WWOX: variants seen among roughly 807,000 people sequenced by gnomAD.
The protein encoded by WWOX is WW domain-containing oxidoreductase.
A neutral mutation model predicts 46.2 loss-of-function variants in WWOX; 69 were observed. The observed-to-expected ratio is 1.49, with a 90% CI of 1.23 to 1.82. The LOEUF is 1.82. Ranked by LOEUF, WWOX falls within the 40% of genes most tolerant of loss-of-function variation. The pLI, the probability that WWOX is intolerant of heterozygous loss-of-function variation, is 0.00. For missense variants in WWOX, 919 were observed against 542.6 expected (o/e 1.69, Z -6.89); for synonymous variants, 359 against 202.6 (o/e 1.77, Z -6.56).
chr16:79,212,172 A>G lies in WWOX; in HGVS notation c.*376A>G, dbSNP rs1398919768. 2 of 1,481,044 alleles carry G rather than the reference A, an allele frequency of 1.4e-6. No individual in the cohort carries two copies. The highest frequency in any genetic ancestry group is 1.8e-6 in the Non-Finnish European group (2 of 1,125,084). The allele number at this position is 1,481,044 out of a possible 1,614,324, so 91.7% of individuals were successfully genotyped here. A position where few individuals can be genotyped will look rare whatever the true frequency, so the allele number is the denominator to read the frequency against. On this transcript the variant is annotated 3_prime_UTR_variant, in exon 9 of 9. Coordinates refer to ENST00000566780, the MANE Select transcript of WWOX (RefSeq NM_016373.4). ...CCATCCAGCTACCACCACGGCCACC[A>G]CTGCAGCCGGGGGCTGGCCTTCTCC... is the stretch of plus-strand genomic sequence containing the variant.
chr16:78,843,436 GC>G (rs2052213940), intron 8 of WWOX, among the ~76,000 whole-genome samples: 2 of 149,930 alleles, frequency 1.3e-5, no homozygotes, highest in Non-Finnish European at 3.0e-5. Context: ...AGATGCGAAT[GC>G]CCAGCTCAGG....
intron 8 of WWOX, among the ~76,000 whole-genome samples, chr16:78,867,761 G>A (rs191728895): frequency 2.6e-5 from 4 of 152,098 alleles, no homozygotes; most frequent in East Asian, 1.9e-4. Context: ...TGTAAATTGT[G>A]GAACTAATTT....
chr16:78,186,238 A>C (rs370009715), intron 5 of WWOX, among the ~76,000 whole-genome samples: 4 of 143,598 alleles, frequency 2.8e-5, no homozygotes, highest in African/African-American at 1.1e-4. Flanking sequence ...GTTTCTTTTT[A>C]CCTTTTTTTT....
At chr16:79,129,843 C>G (rs2049839680) in intron 8 of WWOX, among the ~76,000 whole-genome samples, 1 of 152,136 alleles carries the variant, frequency 6.6e-6, no homozygotes, top group South Asian at 2.1e-4. Flanking sequence ...CAGCCTGGGT[C>G]AAATTGGTGC....
At chr16:79,035,249 A>G (rs543562645) in intron 8 of WWOX, among the ~76,000 whole-genome samples, 1 of 152,330 alleles carries the variant, frequency 6.6e-6, no homozygotes, top group East Asian at 1.9e-4. Flanking sequence ...CGTACCTTCC[A>G]GAATCATTGG....
At position 78,425,088 on chromosome 16, in the gene WWOX, C is replaced by A. The variant is rs180692241; in HGVS notation, c.791+33C>A. 8 of 1,610,808 alleles carry A rather than the reference C, an allele frequency of 5.0e-6. No individual in the cohort carries two copies. The African/African-American group carries it at 6.7e-5, about 13-fold the overall frequency. ...TGAATTGCATATTTGTTCACTTATC[C>A]CCTTTCTCATACCAGCTAATATTCC... On this transcript the variant is annotated intron_variant, in intron 7 of 8. Transcript: ENST00000566780.
intron 8 of WWOX, among the ~76,000 whole-genome samples, chr16:78,578,809 G>T (rs563499106): frequency 6.6e-6 from 1 of 152,148 alleles, no homozygotes; most frequent in East Asian, 1.9e-4. Context: ...TTCCAGAATT[G>T]CATCCCTGAC....
intron 8 of WWOX, among the ~76,000 whole-genome samples, chr16:79,006,297 G>A (rs945466479): frequency 2.0e-5 from 3 of 152,140 alleles, no homozygotes; most frequent in Non-Finnish European, 4.4e-5. Flanking sequence ...GTGAAGCGCG[G>A]GAAGTCCAGG....
At position 78,152,799 on chromosome 16, in the gene WWOX, A is replaced by G. The variant is rs569804642; in HGVS notation, c.410-11384A>G. On this transcript the variant is annotated intron_variant, in intron 4 of 8. Coordinates refer to ENST00000566780, the MANE Select transcript of WWOX (RefSeq NM_016373.4). ...GATTTATTGTACAGCTTTACAAAACATTACGGCCTCAGCCTTGTACTGCCC... is the reference window on the plus strand; with the variant it reads ...GATTTATTGTACAGCTTTACAAAACGTTACGGCCTCAGCCTTGTACTGCCC... Among the ~76,000 whole-genome samples the G allele has an allele frequency of 2.2e-4, 33 of 152,340 alleles. 1 individual carries two copies. The highest frequency in any genetic ancestry group is 6.7e-4 in the African/African-American group (28 of 41,578).
chr16:78,429,689 C>T (rs1036416518), intron 7 of WWOX, among the ~76,000 whole-genome samples: 1 of 152,114 alleles, frequency 6.6e-6, no homozygotes, highest in African/African-American at 2.4e-5. Context: ...TCAGTAGCAC[C>T]TTTGTGTGAC....
intron 8 of WWOX, chr16:79,004,339 A>G (rs138836346): frequency 6.6e-6 from 1 of 152,350 alleles, no homozygotes; most frequent in East Asian, 1.9e-4. Flanking sequence ...AATTCCTGGG[A>G]TAACAGAGAA....
At chr16:78,746,364 G>A (rs2049347082) in intron 8 of WWOX, among the ~76,000 whole-genome samples, 1 of 152,088 alleles carries the variant, frequency 6.6e-6, no homozygotes, top group African/African-American at 2.4e-5. Context: ...TGGGAATGAT[G>A]GTGCATGCCT....
chr16:78,435,983 C>T (rs1489874744), intron 8 of WWOX, among the ~76,000 whole-genome samples: 1 of 152,136 alleles, frequency 6.6e-6, no homozygotes, highest in Non-Finnish European at 1.5e-5. Context: ...GCTAATAGAA[C>T]TGAGGAAGTG....
intron 6 of WWOX, among the ~76,000 whole-genome samples, chr16:78,406,813 G>T (rs183212263): frequency 6.6e-6 from 1 of 151,960 alleles, no homozygotes; most frequent in African/African-American, 2.4e-5. Flanking sequence ...TTTTAGTAGA[G>T]ATGGGTTTCA....
chr16:78,178,545 A>T (rs1414654329), intron 5 of WWOX, among the ~76,000 whole-genome samples: 1 of 152,040 alleles, frequency 6.6e-6, no homozygotes, highest in Non-Finnish European at 1.5e-5. Context: ...ATCCTTTCAT[A>T]CCCGGAATTC....
At chr16:78,109,703 C>A (rs1340860720) in intron 2 of WWOX, 75 bp from the exon 3 acceptor site, 14 of 1,519,158 alleles carry the variant, frequency 9.2e-6, no homozygotes, top group Non-Finnish European at 1.3e-5. Flanking sequence ...GCTGGGAGGG[C>A]TCCTTCCCTT....
rs1437890236 is a variant in WWOX at position 78,339,627 on chromosome 16, T to G, written c.517-47233T>G. Among the ~76,000 whole-genome samples the G allele has an allele frequency of 1.7e-5, 2 of 120,296 alleles. 1 individual carries two copies. The highest frequency in any genetic ancestry group is 4.0e-5 in the Non-Finnish European group (2 of 50,564). 78.9% of individuals were successfully genotyped at this position (120,296 alleles called of 152,430 possible). A position where few individuals can be genotyped will look rare whatever the true frequency, so the allele number is the denominator to read the frequency against. On this transcript the variant is annotated intron_variant, in intron 5 of 8. Coordinates refer to ENST00000566780, the MANE Select transcript of WWOX (RefSeq NM_016373.4). ...AAAAGGATGATAGAATATGTGTGTG[T>G]GTCTGTGTGTGTGTATTTCAGGTTT...
At chr16:78,325,408 C>T (rs77671370) in intron 5 of WWOX, among the ~76,000 whole-genome samples, 1 of 151,932 alleles carries the variant, frequency 6.6e-6, no homozygotes, top group African/African-American at 2.4e-5. Context: ...TTAATGAGTG[C>T]AATTAAATGG....
At chr16:79,053,459 CTT>C (rs1370688326) in intron 8 of WWOX, among the ~76,000 whole-genome samples, 1 of 152,076 alleles carries the variant, frequency 6.6e-6, no homozygotes, top group Non-Finnish European at 1.5e-5. Context: ...TTGTAGGAAA[CTT>C]TAGATTAATT....
Sources: allele counts gnomAD v4.1 joint callset (sites outside exome capture counted in the v4.1 genomes callset), GRCh38; gene constraint gnomAD v4.1.1; transcripts MANE v1.5; gene names NCBI Gene and HGNC (gene_info 2026-07-23, HGNC 2026-07-21).